PIAS1: variants seen among roughly 807,000 people sequenced by gnomAD.
PIAS1 encodes the protein protein inhibitor of activated STAT 1, also known as E3 SUMO-protein ligase PIAS1.
PIAS1 carries 6 observed loss-of-function variants against 71.3 expected under a neutral mutation model. The observed-to-expected ratio is 0.08, with a 90% confidence interval of 0.05 to 0.17. The LOEUF (loss-of-function observed/expected upper bound fraction) is 0.17, where lower values mean the gene tolerates loss of function less well. PIAS1 is among the 10% of genes least tolerant of loss of function. The pLI, the probability that PIAS1 is intolerant of heterozygous loss-of-function variation, is 1.00. For missense variants in PIAS1, 555 were observed against 793.6 expected (o/e 0.70, Z 3.61); for synonymous variants, 303 against 292.9 (o/e 1.03, Z -0.35).
At chr15:68,101,029 G>T (rs1264916336) in intron 2 of PIAS1, among the ~76,000 whole-genome samples, 1 of 151,914 alleles carries the variant, frequency 6.6e-6, no homozygotes, top group African/African-American at 2.4e-5. Context: ...CTCCCAGGTA[G>T]TCAGGACTAC....
intron 7 of PIAS1, among the ~76,000 whole-genome samples, chr15:68,163,368 A>T (rs1276360854): frequency 1.3e-5 from 2 of 152,212 alleles, no homozygotes; most frequent in Non-Finnish European, 2.9e-5. Context: ...GTGTCAGGAG[A>T]CAGCCTGTGA....
chr15:68,059,000 C>CTTTTT (rs35348345), intron 1 of PIAS1, among the ~76,000 whole-genome samples: 3 of 84,904 alleles, frequency 3.5e-5, no homozygotes, highest in Admixed American at 1.3e-4. Context: ...GATTATTCTA[C>CTTTTT]TTTTTTTTTT....
At chr15:68,133,079 G>A (rs1050587525) in intron 2 of PIAS1, among the ~76,000 whole-genome samples, 5 of 149,046 alleles carry the variant, frequency 3.4e-5, no homozygotes, top group African/African-American at 1.2e-4. Context: ...TAATATTGTC[G>A]TTGTCACTTT....
intron 2 of PIAS1, among the ~76,000 whole-genome samples, chr15:68,114,622 C>T (rs2092550313): frequency 6.6e-6 from 1 of 152,004 alleles, no homozygotes; most frequent in Non-Finnish European, 1.5e-5. Flanking sequence ...GCTTTTCTTT[C>T]TGCTGGTGAG....
intron 2 of PIAS1, among the ~76,000 whole-genome samples, chr15:68,120,028 A>G (rs1237019626): frequency 6.6e-6 from 1 of 152,128 alleles, no homozygotes; most frequent in African/African-American, 2.4e-5. Flanking sequence ...GGCTGGATTC[A>G]GACTCCTGGG....
intron 2 of PIAS1, among the ~76,000 whole-genome samples, chr15:68,102,751 T>G (rs2092438749): frequency 6.6e-6 from 1 of 152,166 alleles, no homozygotes; most frequent in African/African-American, 2.4e-5. Context: ...TCTAGGAAGT[T>G]TTTTGTAAAT....
intron 2 of PIAS1, among the ~76,000 whole-genome samples, chr15:68,130,766 A>C (rs1332102169): frequency 6.6e-6 from 1 of 152,064 alleles, no homozygotes; most frequent in Non-Finnish European, 1.5e-5. Context: ...TATTGGAGGA[A>C]TAATAAGATT....
chr15:68,096,375 T>C (rs2092375443), intron 2 of PIAS1, among the ~76,000 whole-genome samples: 2 of 152,180 alleles, frequency 1.3e-5, no homozygotes, highest in African/African-American at 4.8e-5. Context: ...CTTGCAGTTT[T>C]GTTCTTTTTC....
intron 7 of PIAS1, among the ~76,000 whole-genome samples, chr15:68,155,612 C>G (rs2092883762): frequency 6.6e-6 from 1 of 152,082 alleles, no homozygotes; most frequent in Admixed American, 6.6e-5. Flanking sequence ...ATAAGTACTT[C>G]TAGCAAAGTT....
At chr15:68,142,488 A>AT (rs2092778421) in intron 4 of PIAS1, 151 bp downstream of exon 4, 1 of 560,828 alleles carries the variant, frequency 1.8e-6, no homozygotes, top group Admixed American at 3.2e-5. Flanking sequence ...TGGAAAAAAA[A>AT]TTTTAAGGAA....
At position 68,161,382 on chromosome 15, in the gene PIAS1, T is replaced by C. The variant is rs115840403; in HGVS notation, c.935-3349T>C. Among the ~76,000 whole-genome samples the C allele has an allele frequency of 3.0e-3, 457 of 152,216 alleles. 1 individual carries two copies. Among genetic ancestry groups the C allele is most frequent in the African/African-American group, 0.011 (443 of 41,550 alleles). ...TATGTCAGTTCTCCAAATTAATCTG[T>C]AGAATTAATCCAGTCTAATCAAGAT... is the stretch of plus-strand genomic sequence containing the variant. On this transcript the variant is annotated intron_variant, in intron 7 of 13. Coordinates refer to ENST00000249636, the MANE Select transcript of PIAS1 (RefSeq NM_016166.3).
chr15:68,186,227 A>AGT lies in PIAS1; in HGVS notation c.1663-1313_1663-1312dup, dbSNP rs2141108816. ...ATGCTATTTTCCCTGAAGACCATGC[A>AGT]GTGGGACAAGCTGTGCAGATGGAAG... On this transcript the variant is annotated intron_variant, in intron 13 of 13. Coordinates refer to ENST00000249636, the MANE Select transcript of PIAS1 (RefSeq NM_016166.3). The surrounding 1 kb of genome is among the most constrained non-coding windows in gnomAD (Gnocchi z 4.4). Among the ~76,000 whole-genome samples the AGT allele has an allele frequency of 6.6e-6, 1 of 152,346 alleles. No homozygotes were observed. The highest frequency in any genetic ancestry group is 6.5e-5 in the Admixed American group (1 of 15,302).
intron 6 of PIAS1, among the ~76,000 whole-genome samples, chr15:68,151,671 AC>A (rs1437747125): frequency 3.2e-5 from 3 of 92,898 alleles, no homozygotes; most frequent in African/African-American, 1.1e-4. Flanking sequence ...AACAAAAAAA[AC>A]AAAAAAACAA....
intron 2 of PIAS1, among the ~76,000 whole-genome samples, chr15:68,125,019 A>G (rs559481676): frequency 6.6e-6 from 1 of 152,290 alleles, no homozygotes; most frequent in East Asian, 1.9e-4. Flanking sequence ...TCTTGATTAT[A>G]TTGTAATTTT....
chr15:68,078,727 T>G (rs562699289), intron 1 of PIAS1, among the ~76,000 whole-genome samples: 2 of 152,204 alleles, frequency 1.3e-5, no homozygotes, highest in African/African-American at 4.8e-5. Context: ...ACAGTGAGAA[T>G]AATAATGCTC....
At position 68,140,106 on chromosome 15, in the gene PIAS1, A is replaced by T. The variant is rs79232446; in HGVS notation, c.470-1840A>T. ...AGCATTACAATGTATATATAAATGGAGATGGAAGTGTAGGGGCTATTATTA... is the reference window on the plus strand; with the variant it reads ...AGCATTACAATGTATATATAAATGGTGATGGAAGTGTAGGGGCTATTATTA... On this transcript the variant is annotated intron_variant, in intron 2 of 13. Transcript: ENST00000249636. Among the ~76,000 whole-genome samples the T allele has an allele frequency of 6.1e-3, 927 of 152,310 alleles. 4 individuals carry two copies. The highest frequency in any genetic ancestry group is 0.032 in the East Asian group (167 of 5,192).
intron 11 of PIAS1, among the ~76,000 whole-genome samples, chr15:68,179,564 C>CTT (rs766344324): frequency 0.023 from 936 of 40,018 alleles, 255 homozygotes; most frequent in East Asian, 0.036. Flanking sequence ...GTGAAATGTT[C>CTT]TTTTTTTTTT....
At chr15:68,131,192 G>C (rs1015650246) in intron 2 of PIAS1, among the ~76,000 whole-genome samples, 6 of 152,034 alleles carry the variant, frequency 3.9e-5, no homozygotes, top group Non-Finnish European at 5.9e-5. Flanking sequence ...TTAAAAAGAA[G>C]TAGAAAAAGT....
chr15:68,109,179 A>G (rs748607869), intron 2 of PIAS1, among the ~76,000 whole-genome samples: 6 of 152,152 alleles, frequency 3.9e-5, no homozygotes, highest in Non-Finnish European at 7.4e-5. Flanking sequence ...TTTACCTGGA[A>G]TACTCATCCC....
Sources: allele counts gnomAD v4.1 joint callset (sites outside exome capture counted in the v4.1 genomes callset), GRCh38; gene constraint gnomAD v4.1.1; non-coding constraint Gnocchi (gnomAD v3.1); transcripts MANE v1.5; gene names NCBI Gene and HGNC (gene_info 2026-07-23, HGNC 2026-07-21).